ABLIM2: variants seen among roughly 807,000 people sequenced by gnomAD.
ABLIM2 encodes the protein actin-binding LIM protein 2.
ABLIM2 carries 53 observed loss-of-function variants against 97.7 expected under a neutral mutation model. That is an observed-to-expected ratio of 0.54 (90% CI 0.44 to 0.68). The LOEUF is 0.68. Ranked by LOEUF, ABLIM2 falls within the 30% of genes least tolerant of loss-of-function variation. The pLI is 0.00. For missense variants in ABLIM2, 835 were observed against 867.2 expected (o/e 0.96, Z 0.47); for synonymous variants, 361 against 345.8 (o/e 1.04, Z -0.49).
Position 8,095,408 on chromosome 4 carries a change from C to T in ABLIM2, c.338+1691G>A, listed in dbSNP as rs976599039. Among the ~76,000 whole-genome samples, 4 of 152,104 alleles carry T rather than the reference C, an allele frequency of 2.6e-5. No individual in the cohort carries two copies. Among genetic ancestry groups the T allele is most frequent in the African/African-American group, 9.7e-5 (4 of 41,408 alleles). The stretch of plus-strand genomic sequence containing the variant: ...CATGAGCTGCTGTGCCCAGCCATCA[C>T]CAGCAAGTTTTGATTGGACACTGAA... On this transcript the variant is annotated intron_variant, in intron 3 of 20. Coordinates refer to ENST00000447017, the MANE Select transcript of ABLIM2 (RefSeq NM_001130083.2). The surrounding 1 kb of genome is among the most constrained non-coding windows in gnomAD (Gnocchi z 4.7).
chr4:8,127,625 G>T lies in ABLIM2; in HGVS notation c.11-20988C>A, dbSNP rs978929033. 7.8e-7 allele frequency: 1 copy of T among 1,288,892 alleles called. No homozygotes were observed. The highest frequency in any genetic ancestry group is 1.2e-5 in the South Asian group (1 of 80,942). 79.8% of individuals were successfully genotyped at this position (1,288,892 alleles called of 1,614,324 possible). ...GGGTCGGCGGCTCTCCCTCTGCGTG[G>T]CTGGGCCTGGCACCCACGGAGGATC... On this transcript the variant is annotated intron_variant, in intron 1 of 20. Transcript: ENST00000447017. The surrounding 1 kb of genome is among the most constrained non-coding windows in gnomAD (Gnocchi z 7.3).
intron 7 of ABLIM2, among the ~76,000 whole-genome samples, chr4:8,057,322 G>A (rs181429018): frequency 2.8e-4 from 43 of 152,250 alleles, no homozygotes; most frequent in African/African-American, 1.0e-3. Context: ...CCGACTTCGG[G>A]TGATCCATCC....
In ABLIM2 at chr4:8,112,585, C is replaced by T. The variant is rs1224805124; in HGVS notation, c.11-5948G>A. Among the ~76,000 whole-genome samples, 2 of 152,116 alleles carry T rather than the reference C, an allele frequency of 1.3e-5. No individual in the cohort carries two copies. Among genetic ancestry groups the T allele is most frequent in the Non-Finnish European group, 2.9e-5 (2 of 68,032 alleles). ...AAAAACGATGACTCTGAGGTCTACT[C>T]GAGGTTTCCCAGTCCAGAGCGGGAG... On this transcript the variant is annotated intron_variant, in intron 1 of 20. Transcript: ENST00000447017. The surrounding 1 kb of genome is among the most constrained non-coding windows in gnomAD (Gnocchi z 4.2).
At chr4:8,053,736 G>A (rs1797388671) in intron 8 of ABLIM2, among the ~76,000 whole-genome samples, 1 of 152,156 alleles carries the variant, frequency 6.6e-6, no homozygotes. Context: ...GACTGTTCAT[G>A]AGGGCTCTGC....
chr4:7,987,452 T>G (rs1369461060), intron 17 of ABLIM2, among the ~76,000 whole-genome samples: 1 of 151,918 alleles, frequency 6.6e-6, no homozygotes. Flanking sequence ...ATTTTCTTAG[T>G]CTCAGACTAC....
In ABLIM2 at chr4:8,158,812, A is replaced by T. The variant is rs532977459; in HGVS notation, c.-123T>A. On this transcript the variant is annotated 5_prime_UTR_variant, in exon 1 of 21. Transcript: ENST00000447017. ...GGCTCCGCGCCCGCTCCTTGCGCAC[A>T]CGCCAGGCAGCGCCGCCGCAGCCCC... 2 of 862,830 alleles carry T rather than the reference A, an allele frequency of 2.3e-6. No individual in the cohort carries two copies. The highest frequency in any genetic ancestry group is 3.0e-6 in the Non-Finnish European group (2 of 677,234). The allele number at this position is 862,830 out of a possible 1,614,324, so 53.4% of individuals were successfully genotyped here.
At chr4:8,139,606 T>C (rs1850669766) in intron 1 of ABLIM2, among the ~76,000 whole-genome samples, 1 of 152,142 alleles carries the variant, frequency 6.6e-6, no homozygotes, top group African/African-American at 2.4e-5. Flanking sequence ...AAACGACAAA[T>C]GCTTGCGAGG....
At chr4:7,977,076 A>T (rs1035511501) in intron 20 of ABLIM2, among the ~76,000 whole-genome samples, 6 of 151,970 alleles carry the variant, frequency 3.9e-5, no homozygotes, top group African/African-American at 1.2e-4. Context: ...GTGGGAGGTG[A>T]TTGGGTCCTG....
intron 2 of ABLIM2, among the ~76,000 whole-genome samples, chr4:8,099,726 T>C (rs944073912): frequency 1.3e-5 from 2 of 152,124 alleles, no homozygotes; most frequent in African/African-American, 4.8e-5. Context: ...GCGCCTGTAG[T>C]CCTGGCTACT....
At chr4:8,051,559 T>A (rs1193603949) in intron 8 of ABLIM2, among the ~76,000 whole-genome samples, 2 of 70,586 alleles carry the variant, frequency 2.8e-5, no homozygotes, top group East Asian at 3.3e-4. Context: ...CGAGATTCCA[T>A]CTCAAAAAAA....
chr4:7,970,113 C>T lies in ABLIM2; in HGVS notation c.1825-3010G>A, dbSNP rs1726569405. Among the ~76,000 whole-genome samples, 1 of 152,208 alleles carries T rather than the reference C, an allele frequency of 6.6e-6. No individual in the cohort carries two copies. The highest frequency in any genetic ancestry group is 2.4e-5 in the African/African-American group (1 of 41,452). ...AAATCATTTCTAGCTTTATCCAAGA[C>T]CTGGTGATACCAGACCTTGTTCCAG... On this transcript the variant is annotated intron_variant, in intron 20 of 20. Coordinates refer to ENST00000447017, the MANE Select transcript of ABLIM2 (RefSeq NM_001130083.2). The surrounding 1 kb of genome is among the most constrained non-coding windows in gnomAD (Gnocchi z 5.3).
rs1822734660 is a variant in ABLIM2 at position 8,085,339 on chromosome 4, C to A, written c.454+2830G>T. Among the ~76,000 whole-genome samples, 1 of 152,188 alleles carries A rather than the reference C, an allele frequency of 6.6e-6. No individual in the cohort carries two copies. The highest frequency in any genetic ancestry group is 1.9e-4 in the East Asian group (1 of 5,184). On this transcript the variant is annotated intron_variant, in intron 4 of 20. Transcript: ENST00000447017. The surrounding 1 kb of genome is among the most constrained non-coding windows in gnomAD (Gnocchi z 6.1). ...ACTTGACTCTACCCCACTCCACAACCATCTATTGCTCCTCACGGCCTCCAG... is the reference window on the plus strand; with the variant it reads ...ACTTGACTCTACCCCACTCCACAACAATCTATTGCTCCTCACGGCCTCCAG...
At chr4:8,010,394 G>C in intron 14 of ABLIM2, 3 of 985,870 alleles carry the variant, frequency 3.0e-6, no homozygotes, top group Non-Finnish European at 3.6e-6. Context: ...CGAAGACCCA[G>C]GCCTCAGGAA....
In ABLIM2 at chr4:8,150,108, T is replaced by C. The variant is rs141181554; in HGVS notation, c.10+8572A>G. ...GTGGGGCAAAGGGGTTGGAACATCA[T>C]GAGGGCATTTGAAACTAGGCTGCCA... On this transcript the variant is annotated intron_variant, in intron 1 of 20. Transcript: ENST00000447017. This position sits in a 1 kb window ranked among gnomAD's most constrained non-coding sequence, Gnocchi z 6.3. Among the ~76,000 whole-genome samples the C allele has an allele frequency of 6.6e-6, 1 of 152,320 alleles. No individual in the cohort carries two copies. The highest frequency in any genetic ancestry group is 1.9e-4 in the East Asian group (1 of 5,178).
At chr4:8,153,983 G>C (rs1199776287) in intron 1 of ABLIM2, among the ~76,000 whole-genome samples, 4 of 95,594 alleles carry the variant, frequency 4.2e-5, no homozygotes. Flanking sequence ...TTTTTTTTGA[G>C]ATACAGTCTC....
rs1376833258 is a variant in ABLIM2, at chr4:7,965,809, T to C, written c.*1181A>G. On this transcript the variant is annotated 3_prime_UTR_variant, in exon 21 of 21. Transcript: ENST00000447017. ...CCATCCTATCTCCATCCTATCTCCATCCTTCTCTCCCCAACAGCGTGTGGT... is the reference window on the plus strand; with the variant it reads ...CCATCCTATCTCCATCCTATCTCCACCCTTCTCTCCCCAACAGCGTGTGGT... The C allele has an allele frequency of 3.3e-5, 5 of 151,080 alleles. No homozygotes were observed. Among genetic ancestry groups the C allele is most frequent in the African/African-American group, 1.2e-4 (5 of 41,010 alleles). 9.4% of individuals were successfully genotyped at this position (151,080 alleles called of 1,614,324 possible).
At chr4:8,030,607 G>C (rs934784838) in intron 10 of ABLIM2, among the ~76,000 whole-genome samples, 4 of 152,196 alleles carry the variant, frequency 2.6e-5, no homozygotes, top group African/African-American at 9.7e-5. Context: ...CATGCGCTCA[G>C]GCCAGCCCTC....
chr4:8,080,920 C>A (rs2249919), intron 4 of ABLIM2, 118 bp from the exon 5 acceptor site: 4 of 1,294,680 alleles, frequency 3.1e-6, no homozygotes, highest in East Asian at 4.8e-5. Flanking sequence ...CGGGACAGAC[C>A]AGCAGCCACA....
At position 8,127,866 on chromosome 4, in the gene ABLIM2, G is replaced by A. The variant is rs1008859828; in HGVS notation, c.11-21229C>T. Among the ~76,000 whole-genome samples, 1 of 152,086 alleles carries A rather than the reference G, an allele frequency of 6.6e-6. No individual in the cohort carries two copies. The highest frequency in any genetic ancestry group is 6.5e-5 in the Admixed American group (1 of 15,280). On this transcript the variant is annotated intron_variant, in intron 1 of 20. Transcript: ENST00000447017. This position sits in a 1 kb window ranked among gnomAD's most constrained non-coding sequence, Gnocchi z 7.3. Reference sequence around the variant, plus strand: ...GCACTCGGGGTGGGGGAGGAGTGGTGGGGGTGGGGAGCATCTGCTGACCCT... The same window carrying A: ...GCACTCGGGGTGGGGGAGGAGTGGTAGGGGTGGGGAGCATCTGCTGACCCT...
Sources: allele counts gnomAD v4.1 joint callset (sites outside exome capture counted in the v4.1 genomes callset), GRCh38; gene constraint gnomAD v4.1.1; non-coding constraint Gnocchi (gnomAD v3.1); transcripts MANE v1.5; gene names NCBI Gene and HGNC (gene_info 2026-07-23, HGNC 2026-07-21).